Variants in DAB1 observed in about 807,000 individuals in gnomAD.
The protein encoded by DAB1 is DAB adaptor protein 1.
In DAB1, 15 loss-of-function variants were observed where a neutral mutation model predicts 64.6. The observed-to-expected ratio is 0.23, with a 90% CI of 0.16 to 0.36. The LOEUF (loss-of-function observed/expected upper bound fraction) is 0.36, where lower values mean the gene tolerates loss of function less well. DAB1 is among the 10% of genes least tolerant of loss of function. The probability of loss-of-function intolerance (pLI) is 1.00; values close to 1 mark genes in which losing one functional copy is unlikely to be tolerated. For synonymous variants in DAB1, 235 were observed against 251.9 expected (o/e 0.93, Z 0.64); for missense variants, 596 against 706.7 (o/e 0.84, Z 1.78).
intron 4 of DAB1, among the ~76,000 whole-genome samples, chr1:58,175,240 G>T (rs535108099): frequency 1.1e-3 from 162 of 152,302 alleles, no homozygotes; most frequent in Non-Finnish European, 2.0e-3. Context: ...AACAACTCCG[G>T]ATGCACCACC....
chr1:57,392,937 T>C (rs1682506366), intron 1 of DAB1, among the ~76,000 whole-genome samples: 1 of 152,210 alleles, frequency 6.6e-6, no homozygotes, highest in South Asian at 2.1e-4. Context: ...GACAGTATCA[T>C]ATTGGGAGGA....
intron 3 of DAB1, among the ~76,000 whole-genome samples, chr1:58,383,126 G>A (rs1390402781): frequency 7.6e-6 from 1 of 130,932 alleles, no homozygotes; most frequent in Non-Finnish European, 1.7e-5. Flanking sequence ...ACACAAAGAA[G>A]TATTCATGGA....
chr1:57,493,941 G>A (rs964594493), intron 7 of DAB1, among the ~76,000 whole-genome samples: 3 of 152,010 alleles, frequency 2.0e-5, no homozygotes, highest in East Asian at 1.9e-4. Flanking sequence ...TGTGTATTTC[G>A]GCCATTTCAC....
At chr1:57,589,747 ACTCTGT>A (rs1645421948) in intron 7 of DAB1, among the ~76,000 whole-genome samples, 1 of 152,142 alleles carries the variant, frequency 6.6e-6, no homozygotes, top group African/African-American at 2.4e-5. Flanking sequence ...ACAGAGTGAG[ACTCTGT>A]CTCAAGAAGA....
chr1:57,923,539 T>C (rs1644839108), intron 5 of DAB1, among the ~76,000 whole-genome samples: 2 of 152,220 alleles, frequency 1.3e-5, no homozygotes, highest in Admixed American at 1.3e-4. Flanking sequence ...TGCTCCCCCT[T>C]ACTTAACTCT....
rs371448692 is a variant in DAB1 at position 57,795,384 on chromosome 1, T to C, written n.551+88615A>G. ...TAGGGAACTAGTATTCTGTAAAACATGGTTTGGGAAACACTGGATGAAGAA... is the reference window on the plus strand; with the variant it reads ...TAGGGAACTAGTATTCTGTAAAACACGGTTTGGGAAACACTGGATGAAGAA... On this transcript the variant is annotated intron_variant and non_coding_transcript_variant, in intron 6 of 20. Transcript: ENST00000485760. 3.3e-4 allele frequency among the ~76,000 whole-genome samples: 50 copies of C among 152,042 alleles called. No individual in the cohort carries two copies. The East Asian group carries it at 6.3e-3, about 19-fold the overall frequency.
intron 4 of DAB1, among the ~76,000 whole-genome samples, chr1:58,226,397 A>T (rs558183611): frequency 5.2e-4 from 72 of 139,436 alleles, no homozygotes; most frequent in Non-Finnish European, 1.0e-3. Context: ...CCAGATGATT[A>T]AAAAAAAAAA....
chr1:57,629,045 C>A (rs1222859340), intron 7 of DAB1, among the ~76,000 whole-genome samples: 4 of 152,172 alleles, frequency 2.6e-5, no homozygotes, highest in Non-Finnish European at 4.4e-5. Flanking sequence ...AGAGTTCTTA[C>A]AGTTCTTACA....
intron 9 of DAB1, among the ~76,000 whole-genome samples, chr1:57,046,229 G>A (rs1381005121): frequency 6.6e-6 from 1 of 152,166 alleles, no homozygotes; most frequent in Non-Finnish European, 1.5e-5. Context: ...AAGCAATGAA[G>A]CCTTTGGATT....
exon 1 of DAB1, chr1:57,884,037 T>G (rs1032519688): frequency 6.6e-6 from 1 of 152,180 alleles, no homozygotes; most frequent in Non-Finnish European, 1.5e-5. Context: ...GTGTCCAGGC[T>G]GGGTGGGGAC....
chr1:57,410,800 C>T (rs1294445609), intron 1 of DAB1, among the ~76,000 whole-genome samples: 3 of 152,162 alleles, frequency 2.0e-5, no homozygotes, highest in Admixed American at 1.3e-4. Flanking sequence ...CTTTTCTTTT[C>T]CTTAATCTTG....
intron 5 of DAB1, among the ~76,000 whole-genome samples, chr1:58,051,228 A>G (rs1647641161): frequency 6.7e-6 from 1 of 150,090 alleles, no homozygotes; most frequent in Non-Finnish European, 1.5e-5. Context: ...GCCCCAGTAT[A>G]TGATGTTCCC....
intron 4 of DAB1, among the ~76,000 whole-genome samples, chr1:58,175,911 A>G (rs1372911243): frequency 6.6e-6 from 1 of 152,226 alleles, no homozygotes; most frequent in East Asian, 1.9e-4. Flanking sequence ...CATAAAAAAT[A>G]TATAACCAAG....
intron 5 of DAB1, among the ~76,000 whole-genome samples, chr1:58,021,784 C>T (rs1646818637): frequency 1.3e-5 from 2 of 152,118 alleles, no homozygotes; most frequent in African/African-American, 4.8e-5. Context: ...AAATGAAAGT[C>T]TGAAGCAGTG....
intron 5 of DAB1, among the ~76,000 whole-genome samples, chr1:58,045,746 C>A (rs781610134): frequency 1.8e-4 from 27 of 152,082 alleles, no homozygotes; most frequent in Admixed American, 5.9e-4. Context: ...TCATCTCCAT[C>A]CTTCTCTTGC....
Position 57,778,692 on chromosome 1 carries a change from A to G in DAB1, n.551+105307T>C, listed in dbSNP as rs115675430. Among the ~76,000 whole-genome samples the G allele has an allele frequency of 3.7e-3, 564 of 152,252 alleles. 8 individuals carry two copies. The highest frequency in any genetic ancestry group is 0.013 in the African/African-American group (541 of 41,566). The stretch of plus-strand genomic sequence containing the variant: ...TCCATTCGCCATCTGCGATTGCTAT[A>G]TAGATAAATAACTTCTTCTTACATC... On this transcript the variant is annotated intron_variant and non_coding_transcript_variant, in intron 6 of 20. Coordinates refer to the DAB1 transcript ENST00000485760.
At chr1:58,024,284 G>T (rs1646856060) in intron 5 of DAB1, among the ~76,000 whole-genome samples, 2 of 152,120 alleles carry the variant, frequency 1.3e-5, no homozygotes, top group Admixed American at 1.3e-4. Flanking sequence ...ACAGTGGAAA[G>T]ATCACAAAAG....
intron 3 of DAB1, among the ~76,000 whole-genome samples, chr1:58,451,473 T>C (rs1348986181): frequency 6.6e-6 from 1 of 152,184 alleles, no homozygotes; most frequent in African/African-American, 2.4e-5. Context: ...AAGAAATGGG[T>C]GGATCCAAAT....
intron 7 of DAB1, among the ~76,000 whole-genome samples, chr1:57,481,528 T>C (rs1471120712): frequency 6.6e-6 from 1 of 152,156 alleles, no homozygotes; most frequent in Non-Finnish European, 1.5e-5. Flanking sequence ...GCCACGATGA[T>C]GACGATGATG....
Sources: allele counts gnomAD v4.1 joint callset (sites outside exome capture counted in the v4.1 genomes callset), GRCh38; gene constraint gnomAD v4.1.1; transcripts MANE v1.5; gene names NCBI Gene and HGNC (gene_info 2026-07-23, HGNC 2026-07-21).